Variants in KCNK13 observed in about 807,000 individuals in gnomAD.
KCNK13 encodes potassium two pore domain channel subfamily K member 13.
In KCNK13, 12 loss-of-function variants were observed where a neutral mutation model predicts 23.4. The ratio of observed to expected loss-of-function variants is 0.51; its 90% CI spans 0.33 to 0.83. KCNK13 has a LOEUF of 0.83. Ranked by LOEUF, KCNK13 falls within the 40% of genes least tolerant of loss-of-function variation. The pLI is 0.02. For missense variants in KCNK13, 463 were observed against 556.3 expected (o/e 0.83, Z 1.69); for synonymous variants, 231 against 229.5 (o/e 1.01, Z -0.06).
intron 1 of KCNK13, among the ~76,000 whole-genome samples, chr14:90,176,047 G>C (rs1890419048): frequency 6.6e-6 from 1 of 152,176 alleles, no homozygotes; most frequent in South Asian, 2.1e-4. Flanking sequence ...GGTCATCCAA[G>C]ATTCAAGGAG....
chr14:90,078,618 AAGGC>A (rs534550197), intron 1 of KCNK13, among the ~76,000 whole-genome samples: 4 of 151,496 alleles, frequency 2.6e-5, no homozygotes, highest in East Asian at 1.9e-4. Context: ...AGAGGGAGGG[AAGGC>A]AGGCAGGCAG....
Position 90,086,045 on chromosome 14 carries a change from T to C in KCNK13, c.334+23506T>C, listed in dbSNP as rs1889272466. On this transcript the variant is annotated intron_variant, in intron 1 of 1. Transcript: ENST00000282146. ...CCAGGATACTTAACTATGATATGGA[T>C]ATTCATTAATTTAACCATTCTTCCT... 2.0e-5 allele frequency among the ~76,000 whole-genome samples: 3 copies of C among 151,378 alleles called. No individual in the cohort carries two copies. The Admixed American group carries it at 2.0e-4, about 10-fold the overall frequency.
At chr14:90,104,707 G>A (rs1566952241) in intron 1 of KCNK13, among the ~76,000 whole-genome samples, 1 of 151,554 alleles carries the variant, frequency 6.6e-6, no homozygotes. Context: ...GGTTGGGCAA[G>A]GAAGGTGGAA....
At chr14:90,104,791 C>CTTTTTTTTTTTTTTT (rs66511223) in intron 1 of KCNK13, among the ~76,000 whole-genome samples, 1 of 113,518 alleles carries the variant, frequency 8.8e-6, no homozygotes, top group Non-Finnish European at 1.8e-5. Flanking sequence ...CTTTTCTTTT[C>CTTTTTTTTTTTTTTT]TTTTTTTTTT....
At chr14:90,067,416 A>T (rs542066750) in intron 1 of KCNK13, among the ~76,000 whole-genome samples, 2 of 152,372 alleles carry the variant, frequency 1.3e-5, no homozygotes, top group South Asian at 4.1e-4. Flanking sequence ...AGGCAAATTC[A>T]TAGAGATAAA....
At chr14:90,173,625 C>A (rs1436254172) in intron 1 of KCNK13, among the ~76,000 whole-genome samples, 2 of 152,028 alleles carry the variant, frequency 1.3e-5, no homozygotes, top group Non-Finnish European at 2.9e-5. Flanking sequence ...GTTTGCAGGG[C>A]ACTAAACAAG....
Position 90,062,641 on chromosome 14 carries a change from C to A in KCNK13, c.334+102C>A. ...ATCCTTTCATTCATCCATCTGGGCG[C>A]CCAGCCAGACTCCACTGACATGAGC... On this transcript the variant is annotated intron_variant, in intron 1 of 1. Transcript: ENST00000282146. The surrounding 1 kb of genome is among the most constrained non-coding windows in gnomAD (Gnocchi z 4.5). 2.3e-6 allele frequency: 2 copies of A among 867,652 alleles called. No homozygotes were observed. Among genetic ancestry groups the A allele is most frequent in the South Asian group, 2.1e-5 (1 of 48,422 alleles). The allele number at this position is 867,652 out of a possible 1,614,324, so 53.7% of individuals were successfully genotyped here.
intron 1 of KCNK13, among the ~76,000 whole-genome samples, chr14:90,164,943 C>T (rs1293400322): frequency 6.6e-6 from 1 of 152,134 alleles, no homozygotes; most frequent in African/African-American, 2.4e-5. Context: ...ATTTCGCATA[C>T]CCCTTACCCA....
chr14:90,170,713 T>C lies in KCNK13; in HGVS notation c.335-13398T>C, dbSNP rs143011220. ...GCCTTTGTCTGGCTCAATGAATCTG[T>C]ATGTTTTACATAAGATGACGTAAAC... On this transcript the variant is annotated intron_variant, in intron 1 of 1. Transcript: ENST00000282146. Among the ~76,000 whole-genome samples the C allele has an allele frequency of 6.3e-3, 961 of 152,274 alleles. 7 individuals are homozygous for C. Among genetic ancestry groups the C allele is most frequent in the African/African-American group, 0.022 (926 of 41,528 alleles).
At chr14:90,112,648 T>C (rs1430604785) in intron 1 of KCNK13, among the ~76,000 whole-genome samples, 1 of 152,138 alleles carries the variant, frequency 6.6e-6, no homozygotes, top group African/African-American at 2.4e-5. Context: ...TTAAATGTGA[T>C]AGAAAACTCA....
chr14:90,092,200 G>A (rs949509919), intron 1 of KCNK13, among the ~76,000 whole-genome samples: 2 of 152,126 alleles, frequency 1.3e-5, no homozygotes, highest in Non-Finnish European at 2.9e-5. Context: ...GGGATTATAG[G>A]CGTGAGCCAC....
chr14:90,086,238 C>T (rs1889274622), intron 1 of KCNK13, among the ~76,000 whole-genome samples: 3 of 152,088 alleles, frequency 2.0e-5, no homozygotes, highest in Non-Finnish European at 1.5e-5. Context: ...ATTCTCACTG[C>T]TAACATATAC....
At chr14:90,110,602 G>A (rs1206376226) in intron 1 of KCNK13, among the ~76,000 whole-genome samples, 1 of 152,116 alleles carries the variant, frequency 6.6e-6, no homozygotes, top group East Asian at 1.9e-4. Flanking sequence ...AGGACATAAG[G>A]AGTCTCATAG....
Position 90,111,655 on chromosome 14 carries a change from G to T in KCNK13, c.334+49116G>T, listed in dbSNP as rs186204329. 3.5e-4 allele frequency among the ~76,000 whole-genome samples: 53 copies of T among 152,190 alleles called. No homozygotes were observed. In the East Asian group the frequency reaches 7.7e-3, roughly 22 times the overall value. ...GGTTATTTGGGGCATCTGGAGAAGG[G>T]TCTGAGCCCTTTCGTCTCTAGATGC... On this transcript the variant is annotated intron_variant, in intron 1 of 1. Coordinates refer to ENST00000282146, the MANE Select transcript of KCNK13 (RefSeq NM_022054.4).
intron 1 of KCNK13, among the ~76,000 whole-genome samples, chr14:90,090,577 A>G (rs1427709080): frequency 1.3e-5 from 2 of 152,210 alleles, no homozygotes; most frequent in Non-Finnish European, 2.9e-5. Flanking sequence ...TTGGCAAGGC[A>G]TGATTGGTTT....
chr14:90,148,557 G>A (rs1170630191), intron 1 of KCNK13, among the ~76,000 whole-genome samples: 1 of 152,202 alleles, frequency 6.6e-6, no homozygotes, highest in African/African-American at 2.4e-5. Flanking sequence ...GGAAGAAGAG[G>A]GGCAGGGTAG....
intron 1 of KCNK13, among the ~76,000 whole-genome samples, chr14:90,165,877 G>A (rs1216113218): frequency 6.6e-6 from 1 of 152,186 alleles, no homozygotes; most frequent in African/African-American, 2.4e-5. Flanking sequence ...ATGCCCCCAA[G>A]ATGCAGTGAC....
Position 90,185,086 on chromosome 14 carries a change from T to C in KCNK13, c.*83T>C. ...AGGGGACGAGCTCAGCCCTGCGCCT[T>C]GGCTCTGTTCCTTCTGGGAGCTGTT... On this transcript the variant is annotated 3_prime_UTR_variant, in exon 2 of 2. Coordinates refer to ENST00000282146, the MANE Select transcript of KCNK13 (RefSeq NM_022054.4). 2.4e-6 allele frequency: 3 copies of C among 1,261,170 alleles called. No individual in the cohort carries two copies. The highest frequency in any genetic ancestry group is 3.2e-6 in the Non-Finnish European group (3 of 940,198). The allele number at this position is 1,261,170 out of a possible 1,614,324, so 78.1% of individuals were successfully genotyped here.
intron 1 of KCNK13, among the ~76,000 whole-genome samples, chr14:90,079,170 G>A (rs1889178348): frequency 6.6e-6 from 1 of 152,134 alleles, no homozygotes. Flanking sequence ...ATGCTAGGTA[G>A]TAGGATGGAG....
Sources: allele counts gnomAD v4.1 joint callset (sites outside exome capture counted in the v4.1 genomes callset), GRCh38; gene constraint gnomAD v4.1.1; non-coding constraint Gnocchi (gnomAD v3.1); transcripts MANE v1.5; gene names NCBI Gene and HGNC (gene_info 2026-07-23, HGNC 2026-07-21).